Variants in ANOS1 observed in about 807,000 individuals in gnomAD.
ANOS1 encodes anosmin-1.
Under a neutral mutation model 59.0 loss-of-function variants are expected in ANOS1, and 6 were observed. That is an observed-to-expected ratio of 0.10 (90% CI 0.06 to 0.20). The LOEUF (loss-of-function observed/expected upper bound fraction) is 0.20, where lower values mean the gene tolerates loss of function less well. Ranked by LOEUF, ANOS1 falls within the 10% of genes least tolerant of loss-of-function variation. The pLI is 1.00. For synonymous variants in ANOS1, 217 were observed against 223.4 expected, an observed-to-expected ratio of 0.97 and a Z score of 0.25; for missense variants, 433 against 542.3, an observed-to-expected ratio of 0.80 and a Z score of 2.00.
chrX:8,591,777 G>T (rs1392874343), intron 4 of ANOS1, among the ~76,000 whole-genome samples: 1 of 112,260 alleles, frequency 8.9e-6, no homozygotes, highest in Non-Finnish European at 1.9e-5. Flanking sequence ...CTGCCGGGGC[G>T]CACAGTCCTC....
At chrX:8,534,909 T>G (rs1298251982) in intron 12 of ANOS1, among the ~76,000 whole-genome samples, 1 of 111,678 alleles carries the variant, frequency 9.0e-6, no homozygotes. Context: ...ATGTTTATTT[T>G]TATGCCAACA....
intron 3 of ANOS1, among the ~76,000 whole-genome samples, chrX:8,600,751 A>G (rs931454957): frequency 6.2e-5 from 7 of 112,612 alleles, no homozygotes; most frequent in Admixed American, 9.4e-5. Context: ...TAATCAAAGA[A>G]GTATGCTAAC....
intron 2 of ANOS1, among the ~76,000 whole-genome samples, chrX:8,682,771 G>C (rs1273230545): frequency 9.0e-6 from 1 of 111,241 alleles, no homozygotes; most frequent in East Asian, 2.8e-4. Flanking sequence ...TGGGAAAATT[G>C]TCTAATGAGA....
intron 2 of ANOS1, among the ~76,000 whole-genome samples, chrX:8,629,268 G>T (rs1315096706): frequency 9.0e-6 from 1 of 110,703 alleles, no homozygotes; most frequent in Non-Finnish European, 1.9e-5. Flanking sequence ...TTTTAAAAAG[G>T]GCACAATTAT....
At chrX:8,617,587 C>G (rs1037649749) in intron 3 of ANOS1, among the ~76,000 whole-genome samples, 10 of 110,496 alleles carry the variant, frequency 9.1e-5, no homozygotes, top group African/African-American at 3.3e-4. Flanking sequence ...TCAAGACCAG[C>G]CTGGCCAACA....
intron 8 of ANOS1, among the ~76,000 whole-genome samples, chrX:8,567,572 C>T (rs765626450): frequency 1.8e-5 from 2 of 111,646 alleles, no homozygotes; most frequent in African/African-American, 3.2e-5. Context: ...GGCAGGTGGA[C>T]CACCTGAGGT....
intron 3 of ANOS1, among the ~76,000 whole-genome samples, chrX:8,605,998 G>A (rs934996285): frequency 8.3e-5 from 9 of 108,741 alleles, no homozygotes; most frequent in Non-Finnish European, 1.9e-5. Context: ...TTGGGGGCAG[G>A]GGGCATGATG....
chrX:8,691,266 G>A lies in ANOS1; in HGVS notation c.255+8432C>T, dbSNP rs184517407. On this transcript the variant is annotated intron_variant, in intron 2 of 13. Transcript: ENST00000262648. Reference sequence around the variant, plus strand: ...TTTTTGTATTTTTAGTAGAGACGGGGTTTCACCATGTTGGCCAGGCTGGTC... The same window carrying A: ...TTTTTGTATTTTTAGTAGAGACGGGATTTCACCATGTTGGCCAGGCTGGTC... 2.7e-3 allele frequency among the ~76,000 whole-genome samples: 296 copies of A among 110,076 alleles called. 6 individuals are homozygous for A. Among genetic ancestry groups the A allele is most frequent in the African/African-American group, 9.4e-3 (284 of 30,221 alleles).
intron 3 of ANOS1, among the ~76,000 whole-genome samples, chrX:8,599,808 G>A (rs1010311869): frequency 1.8e-5 from 2 of 111,906 alleles, no homozygotes; most frequent in African/African-American, 6.5e-5. Flanking sequence ...AATGGTTTGG[G>A]CTATTAACCA....
At chrX:8,675,484 A>T (rs1932321633) in intron 2 of ANOS1, among the ~76,000 whole-genome samples, 1 of 111,153 alleles carries the variant, frequency 9.0e-6, no homozygotes, top group Non-Finnish European at 1.9e-5. Context: ...AAGCCTCAGG[A>T]AATAATGACA....
In ANOS1 at chrX:8,532,813, A is replaced by G; in HGVS notation, c.*182T>C. ...AACTGGTGTCTGTCTTCACCAATCT[A>G]CTGTTTCTCACTTGTCTCCAGATGC... On this transcript the variant is annotated 3_prime_UTR_variant, in exon 14 of 14. Transcript: ENST00000262648. 1 of 427,594 alleles carries G rather than the reference A, an allele frequency of 2.3e-6. No homozygotes were observed. Among genetic ancestry groups the G allele is most frequent in the Non-Finnish European group, 4.1e-6 (1 of 241,198 alleles). 35.2% of individuals were successfully genotyped at this position (427,594 alleles called of 1,213,427 possible).
chrX:8,618,016 T>C (rs1569064727), intron 3 of ANOS1, among the ~76,000 whole-genome samples: 1 of 111,084 alleles, frequency 9.0e-6, no homozygotes, highest in Non-Finnish European at 1.9e-5. Flanking sequence ...AACTAGAAGC[T>C]ACACCACCTG....
In ANOS1 at chrX:8,681,544, G is replaced by A. The variant is rs142082410; in HGVS notation, c.255+18154C>T. Among the ~76,000 whole-genome samples, 342 of 111,037 alleles carry A rather than the reference G, an allele frequency of 3.1e-3. 1 individual carries two copies. The highest frequency in any genetic ancestry group is 0.011 in the African/African-American group (329 of 30,514). ...ACCAAAAGAAAGGAGAACCATACCC[G>A]GAATGAAATTTCTCCCTTTCCACAC... On this transcript the variant is annotated intron_variant, in intron 2 of 13. Transcript: ENST00000262648.
intron 3 of ANOS1, among the ~76,000 whole-genome samples, chrX:8,610,040 A>AAAAAAAAC (rs1569062444): frequency 2.2e-5 from 1 of 46,022 alleles, no homozygotes; most frequent in African/African-American, 8.5e-5. Context: ...AAAAAACAAC[A>AAAAAAAAC]ACCTTTAAAG....
chrX:8,683,464 G>A (rs5978943), intron 2 of ANOS1, among the ~76,000 whole-genome samples: 47,205 of 109,699 alleles, frequency 0.43, 7,433 homozygotes, highest in East Asian at 0.61. Context: ...AACGGCAGAA[G>A]ATGTCCATTT....
chrX:8,572,873 A>T (rs73472351), intron 6 of ANOS1, among the ~76,000 whole-genome samples: 121 of 110,769 alleles, frequency 1.1e-3, no homozygotes, highest in African/African-American at 3.9e-3. Context: ...AGGTCTGAAC[A>T]TCACATATGT....
chrX:8,548,509 A>C (rs1207309253), intron 9 of ANOS1, among the ~76,000 whole-genome samples: 2 of 112,156 alleles, frequency 1.8e-5, no homozygotes, highest in Non-Finnish European at 3.8e-5. Flanking sequence ...TTTTAGCGTG[A>C]ATATATAGAG....
intron 1 of ANOS1, among the ~76,000 whole-genome samples, chrX:8,727,713 C>T (rs751283862): frequency 1.8e-5 from 2 of 112,175 alleles, no homozygotes; most frequent in Non-Finnish European, 3.8e-5. Flanking sequence ...CCCTAGGTGC[C>T]TGTGAGACAT....
intron 8 of ANOS1, among the ~76,000 whole-genome samples, chrX:8,557,205 T>TA (rs1275879000): frequency 8.9e-6 from 1 of 112,154 alleles, no homozygotes; most frequent in African/African-American, 3.2e-5. Context: ...ATGTTAGACC[T>TA]AAAACCATAA....
Sources: gnomAD v4.1 joint callset for allele counts (sites outside exome capture counted in the v4.1 genomes callset) on GRCh38, gnomAD v4.1.1 for gene constraint, MANE v1.5 for transcripts, NCBI Gene and HGNC (gene_info 2026-07-23, HGNC 2026-07-21) for gene names.